PRLR: variants seen among roughly 807,000 people sequenced by gnomAD.
PRLR encodes the protein prolactin receptor.
Under a neutral mutation model 40.2 loss-of-function variants are expected in PRLR, and 13 were observed. That is an observed-to-expected ratio of 0.32 (90% CI 0.21 to 0.51). The LOEUF (loss-of-function observed/expected upper bound fraction) is 0.51, where lower values mean the gene tolerates loss of function less well. Ranked by LOEUF, PRLR falls within the 20% of genes least tolerant of loss-of-function variation. PRLR has a pLI of 0.97. For synonymous variants in PRLR, 269 were observed against 278.7 expected (o/e 0.97, Z 0.35); for missense variants, 656 against 747.3 (o/e 0.88, Z 1.42).
intron 1 of PRLR, among the ~76,000 whole-genome samples, chr5:35,128,435 A>G (rs1326221266): frequency 6.6e-6 from 1 of 151,768 alleles, no homozygotes; most frequent in East Asian, 2.0e-4. Context: ...TACTGAATAC[A>G]ATGCGAATAC....
In PRLR at chr5:35,065,732, C is replaced by A; in HGVS notation, c.1226G>T (p.Gly409Val). 1 of 1,614,154 alleles carries A rather than the reference C, an allele frequency of 6.2e-7. No homozygotes were observed. Residue 409 changes from glycine to valine, a missense_variant, in exon 10 of 10, where the codon GGT (glycine) becomes GTT (valine). Physicochemically the swap from Gly to Val is moderately radical, Grantham distance 109. Transcript: ENST00000618457. ...MEGKIPYFHAGGSKCSTWPLP... is the reference protein window; with the variant it reads ...MEGKIPYFHAVGSKCSTWPLP... Reference sequence around the variant, plus strand: ...GGGCCATGTTGAACATTTGGATCCACCAGCATGAAAATAGGGGATTTTGCC... The same window carrying A: ...GGGCCATGTTGAACATTTGGATCCAACAGCATGAAAATAGGGGATTTTGCC...
chr5:35,153,388 A>G (rs1774393778), intron 1 of PRLR, among the ~76,000 whole-genome samples: 1 of 152,132 alleles, frequency 6.6e-6, no homozygotes, highest in African/African-American at 2.4e-5. Flanking sequence ...CTCTCAAAAG[A>G]TATGTAATGA....
intron 1 of PRLR, among the ~76,000 whole-genome samples, chr5:35,177,675 A>ACAAATTAC (rs1775186383): frequency 6.6e-6 from 1 of 152,202 alleles, no homozygotes; most frequent in Non-Finnish European, 1.5e-5. Context: ...CCTCGATTGT[A>ACAAATTAC]CAAATTACCA....
rs763587045 is a variant in PRLR, at chr5:35,072,623, C to A, written c.495G>T (p.Thr165=). The part of the protein sequence containing the change: ...TLIDLKTGWF[T]LLYEIRLKPE... ...GTTTTAATCGAATTTCATACAGGAG[C>A]GTGAACCAACCAGTTTTTAAGTCAA... The change falls in exon 6 of 10, where the codon ACG becomes ACT. Residue 165 remains threonine, a synonymous_variant. Transcript: ENST00000618457. 2.5e-6 allele frequency: 4 copies of A among 1,614,118 alleles called. No individual in the cohort carries two copies. The highest frequency in any genetic ancestry group is 3.4e-6 in the Non-Finnish European group (4 of 1,179,982).
intron 1 of PRLR, among the ~76,000 whole-genome samples, chr5:35,124,369 T>G (rs948556563): frequency 6.6e-6 from 1 of 151,790 alleles, no homozygotes; most frequent in Non-Finnish European, 1.5e-5. Flanking sequence ...CTCCTCCTCA[T>G]GGTGCATGCT....
chr5:35,144,123 C>CAAAAAAAAAAAAAAAAAAAAACAAA (rs34642253), intron 1 of PRLR, among the ~76,000 whole-genome samples: 1 of 109,092 alleles, frequency 9.2e-6, no homozygotes, highest in Non-Finnish European at 1.9e-5. Flanking sequence ...AACAAGCTTC[C>CAAAAAAAAAAAAAAAAAAAAACAAA]AAAAAAAAAA....
intron 2 of PRLR, among the ~76,000 whole-genome samples, chr5:35,105,161 G>A (rs150356311): frequency 6.6e-6 from 1 of 152,204 alleles, no homozygotes; most frequent in Non-Finnish European, 1.5e-5. Context: ...TGAGGGTCCT[G>A]ACTGTTAGAA....
chr5:35,099,319 T>G (rs1449237166), intron 2 of PRLR, among the ~76,000 whole-genome samples: 1 of 152,220 alleles, frequency 6.6e-6, no homozygotes, highest in Non-Finnish European at 1.5e-5. Context: ...AAGTTCCTAT[T>G]GCCTAGTGAT....
At chr5:35,153,144 A>G (rs1774386915) in intron 1 of PRLR, among the ~76,000 whole-genome samples, 1 of 152,246 alleles carries the variant, frequency 6.6e-6, no homozygotes, top group Admixed American at 6.5e-5. Context: ...ATAAGCACTT[A>G]ATAAAGGATG....
chr5:35,216,165 G>A (rs1449159955), intron 1 of PRLR, among the ~76,000 whole-genome samples: 1 of 152,158 alleles, frequency 6.6e-6, no homozygotes, highest in African/African-American at 2.4e-5. Context: ...ACAGGCACCA[G>A]AAGAAGCTAC....
rs1276235702 is a variant in PRLR at position 35,061,524 on chromosome 5, T to C, written c.*3565A>G. The stretch of plus-strand genomic sequence containing the variant: ...GACCAAGCCAGTTAAAGTGAGTCTT[T>C]TGTACTTAAGTGACTACCAGGATTG... On this transcript the variant is annotated 3_prime_UTR_variant, in exon 10 of 10. Transcript: ENST00000618457. The C allele has an allele frequency of 6.6e-6, 1 of 152,300 alleles. No individual in the cohort carries two copies. The highest frequency in any genetic ancestry group is 3.4e-3 in the Middle Eastern group (1 of 294). 9.4% of individuals were successfully genotyped at this position (152,300 alleles called of 1,614,324 possible). A position where few individuals can be genotyped will look rare whatever the true frequency, so the allele number is the denominator to read the frequency against.
At chr5:35,222,027 G>A (rs1346087470) in intron 1 of PRLR, among the ~76,000 whole-genome samples, 4 of 152,164 alleles carry the variant, frequency 2.6e-5, no homozygotes, top group African/African-American at 9.7e-5. Flanking sequence ...GCTGTTGGCC[G>A]GGTGCAATGG....
At chr5:35,206,576 T>C (rs1444995992) in intron 1 of PRLR, among the ~76,000 whole-genome samples, 6 of 152,136 alleles carry the variant, frequency 3.9e-5, no homozygotes, top group Non-Finnish European at 8.8e-5. Context: ...ATTAAATTTC[T>C]TTTGATGGGG....
intron 1 of PRLR, among the ~76,000 whole-genome samples, chr5:35,208,943 A>G (rs1776095415): frequency 6.6e-6 from 1 of 152,190 alleles, no homozygotes; most frequent in Admixed American, 6.5e-5. Flanking sequence ...ACAAATTAGC[A>G]AAATCAGTAC....
intron 2 of PRLR, among the ~76,000 whole-genome samples, chr5:35,108,829 T>C (rs1772450735): frequency 6.6e-6 from 1 of 152,184 alleles, no homozygotes; most frequent in African/African-American, 2.4e-5. Context: ...CCCATCAAGC[T>C]ACCAATGACT....
chr5:35,070,943 T>C (rs1769711735), intron 6 of PRLR, among the ~76,000 whole-genome samples: 2 of 151,366 alleles, frequency 1.3e-5, no homozygotes, highest in African/African-American at 4.9e-5. Context: ...GTTAAAAACA[T>C]GAGGTGAAAG....
chr5:35,193,114 G>A (rs1043624118), intron 1 of PRLR, among the ~76,000 whole-genome samples: 41 of 152,098 alleles, frequency 2.7e-4, no homozygotes, highest in African/African-American at 9.7e-4. Context: ...AGGAGACTTC[G>A]AAGTGGCAAG....
chr5:35,073,399 G>A (rs758058964), intron 5 of PRLR, among the ~76,000 whole-genome samples: 75 of 152,182 alleles, frequency 4.9e-4, no homozygotes, highest in Non-Finnish European at 7.1e-4. Context: ...AATGCTTAGC[G>A]AATTCCCATT....
chr5:35,077,681 A>C (rs904197856), intron 5 of PRLR, among the ~76,000 whole-genome samples: 9 of 152,212 alleles, frequency 5.9e-5, no homozygotes, highest in African/African-American at 2.2e-4. Context: ...CAGGACTTGA[A>C]CTCAGCTCTG....
Sources: gnomAD v4.1 joint callset for allele counts (sites outside exome capture counted in the v4.1 genomes callset) on GRCh38, gnomAD v4.1.1 for gene constraint, MANE v1.5 for transcripts, NCBI Gene and HGNC (gene_info 2026-07-23, HGNC 2026-07-21) for gene names.